MYH7B: variants seen among roughly 807,000 people sequenced by gnomAD.
The protein encoded by MYH7B is myosin-7B.
In MYH7B, 205 loss-of-function variants were observed where a neutral mutation model predicts 234.5. That is an observed-to-expected ratio of 0.87 (90% CI 0.78 to 0.98). The LOEUF (loss-of-function observed/expected upper bound fraction) is 0.98, where lower values mean the gene tolerates loss of function less well. Ranked by LOEUF, MYH7B falls within the 50% of genes least tolerant of loss-of-function variation. MYH7B has a pLI of 0.00. For synonymous variants in MYH7B, 1,193 were observed against 1,105.0 expected (o/e 1.08, Z -1.58); for missense variants, 2,652 against 2,633.4 (o/e 1.01, Z -0.15).
chr20:34,995,380 G>C (rs996543618), exon 28 of MYH7B: 3 of 1,613,888 alleles, frequency 1.9e-6, no homozygotes, highest in Non-Finnish European at 2.5e-6. Flanking sequence ...GCCACTTGCT[G>C]ATCAAGTCCA....
At chr20:34,976,979 C>A (rs1319668860) in intron 3 of MYH7B, among the ~76,000 whole-genome samples, 1 of 152,150 alleles carries the variant, frequency 6.6e-6, no homozygotes, top group Non-Finnish European at 1.5e-5. Flanking sequence ...ATGCCCTATA[C>A]CCTGAGTAGA....
chr20:34,985,967 C>A, intron 13 of MYH7B, 133 bp from the exon 14 acceptor site: 1 of 726,000 alleles, frequency 1.4e-6, no homozygotes, highest in Non-Finnish European at 2.4e-6. Flanking sequence ...ATACCCTCCC[C>A]ACACAAGCTG....
At position 34,975,381 on chromosome 20, in the gene MYH7B, G is replaced by C. The variant is rs2081838799; in HGVS notation, c.-221-19G>C. 1 of 581,170 alleles carries C rather than the reference G, an allele frequency of 1.7e-6. No individual in the cohort carries two copies. Among genetic ancestry groups the C allele is most frequent in the Admixed American group, 2.8e-5 (1 of 35,366 alleles). 36.0% of individuals were successfully genotyped at this position (581,170 alleles called of 1,614,324 possible). ...CACCATGCCTGGCTAATTTTTGTTT[G>C]TTTGTTTGTTTGTTGTAGAGATGGG... On this transcript the variant is annotated intron_variant, in intron 2 of 44. Transcript: ENST00000262873.
exon 34 of MYH7B, chr20:34,998,617 G>A (rs151212094): frequency 1.9e-6 from 3 of 1,613,242 alleles, no homozygotes; most frequent in African/African-American, 1.3e-5. Flanking sequence ...GCCAGCTAGA[G>A]GAGGAAAGCA....
At chr20:34,976,463 G>A (rs1388431613) in intron 3 of MYH7B, among the ~76,000 whole-genome samples, 4 of 152,158 alleles carry the variant, frequency 2.6e-5, no homozygotes, top group East Asian at 1.9e-4. Flanking sequence ...ATCCTGTGGC[G>A]TCACGGAGCC....
chr20:34,962,735 C>CT (rs978869292), intron 2 of MYH7B, among the ~76,000 whole-genome samples: 16 of 152,160 alleles, frequency 1.1e-4, no homozygotes, highest in African/African-American at 2.9e-4. Context: ...TCAAGGGATC[C>CT]TCCTGTCTCA....
chr20:34,970,953 G>A (rs1455358106), intron 2 of MYH7B, among the ~76,000 whole-genome samples: 3 of 152,172 alleles, frequency 2.0e-5, no homozygotes, highest in Non-Finnish European at 2.9e-5. Context: ...TGAACTCAAG[G>A]ATGCGGCATG....
intron 3 of MYH7B, among the ~76,000 whole-genome samples, chr20:34,976,848 A>C (rs1314064277): frequency 6.6e-6 from 1 of 152,234 alleles, no homozygotes; most frequent in Non-Finnish European, 1.5e-5. Flanking sequence ...GTGCAAAGCT[A>C]CATTTTCAGC....
Position 34,990,625 on chromosome 20 carries a change from C to A in MYH7B, c.1978-113C>A, listed in dbSNP as rs546494355. 23 of 967,032 alleles carry A rather than the reference C, an allele frequency of 2.4e-5. No individual in the cohort carries two copies. In the African/African-American group the frequency reaches 3.6e-4, roughly 15 times the overall value. The allele number at this position is 967,032 out of a possible 1,614,324, so 59.9% of individuals were successfully genotyped here. On this transcript the variant is annotated intron_variant, in intron 22 of 44. Coordinates refer to ENST00000262873, the Ensembl canonical transcript of MYH7B. ...CATCACCAGAATGAGAGTGAAAGAGCAAAAGTGCAGGGCACTTAGGGCCCT... is the reference window on the plus strand; with the variant it reads ...CATCACCAGAATGAGAGTGAAAGAGAAAAAGTGCAGGGCACTTAGGGCCCT...
At chr20:34,979,593 TG>T in intron 6 of MYH7B, 67 bp from the exon 7 acceptor site, 1 of 1,607,528 alleles carries the variant, frequency 6.2e-7, no homozygotes, top group Non-Finnish European at 8.5e-7. Context: ...GGTATGTGGG[TG>T]GGGGTGACAG....
chr20:34,967,361 G>A (rs2081752311), intron 2 of MYH7B, among the ~76,000 whole-genome samples: 1 of 152,150 alleles, frequency 6.6e-6, no homozygotes, highest in Non-Finnish European at 1.5e-5. Context: ...CCTTGAGTTA[G>A]CAAAGTCACA....
exon 39 of MYH7B, chr20:35,000,354 C>G (rs754639552): frequency 1.0e-5 from 16 of 1,598,192 alleles, no homozygotes; most frequent in Non-Finnish European, 1.4e-5. Flanking sequence ...GACACGGGCC[C>G]GCAATGAGGC....
intron 27 of MYH7B, among the ~76,000 whole-genome samples, chr20:34,994,688 T>G (rs2082220354): frequency 6.6e-6 from 1 of 152,086 alleles, no homozygotes; most frequent in African/African-American, 2.4e-5. Context: ...AGACCCATGC[T>G]CTCTTCTCTG....
At position 34,973,899 on chromosome 20, in the gene MYH7B, C is replaced by T. The variant is rs1261472758; in HGVS notation, c.-221-1501C>T. On this transcript the variant is annotated intron_variant, in intron 2 of 44. Coordinates refer to ENST00000262873, the Ensembl canonical transcript of MYH7B. ...CAGCCTCCCCAAGTAGGTGGGATTA[C>T]AGGCACACGCCACCATGCCTGGCTA... is the stretch of plus-strand genomic sequence containing the variant. Among the ~76,000 whole-genome samples the T allele has an allele frequency of 2.7e-5, 4 of 150,336 alleles. No individual in the cohort carries two copies. The East Asian group carries it at 5.8e-4, about 22-fold the overall frequency.
At chr20:34,980,046 C>T (rs2081919533) in intron 7 of MYH7B, 4 of 553,402 alleles carry the variant, frequency 7.2e-6, no homozygotes, top group East Asian at 3.1e-5. Flanking sequence ...TGTAGCAGTG[C>T]GGGGCGGGTC....
At chr20:34,992,997 C>T (rs2082183381) in intron 24 of MYH7B, 105 bp from the exon 25 acceptor site, 1 of 1,410,680 alleles carries the variant, frequency 7.1e-7, no homozygotes, top group Non-Finnish European at 9.7e-7. Flanking sequence ...AGGAACGAGT[C>T]CCCTGCTACC....
chr20:34,980,857 C>G (rs1299315866), intron 8 of MYH7B, 123 bp downstream of exon 8: 1 of 1,506,476 alleles, frequency 6.6e-7, no homozygotes, highest in Admixed American at 1.9e-5. Context: ...ACATGGTCGC[C>G]CAGCCGTTCT....
At chr20:34,980,893 C>T in intron 8 of MYH7B, 140 bp from the exon 9 acceptor site, 1 of 1,476,468 alleles carries the variant, frequency 6.8e-7, no homozygotes, top group Non-Finnish European at 9.4e-7. Context: ...AGCTGACCTC[C>T]ACTAGGGACA....
rs766809928 is a variant in MYH7B at position 34,990,280 on chromosome 20, A to G, written c.1947A>G (p.Ala649=). 5.0e-6 allele frequency: 8 copies of G among 1,614,080 alleles called. No homozygotes were observed. In the African/African-American group the frequency reaches 8.0e-5, roughly 16 times the overall value. The change falls in exon 22 of 45, where the codon GCA becomes GCG. Residue 649 remains alanine (A), a synonymous_variant. Transcript: ENST00000262873. ...TGAAAGAGAAGCGTAAGAAGGCAGC[A>G]TCGTTCCAGACGGTGTCCCAGCTGC...
Sources: allele counts gnomAD v4.1 joint callset (sites outside exome capture counted in the v4.1 genomes callset), GRCh38; gene constraint gnomAD v4.1.1; transcripts MANE v1.5; gene names NCBI Gene and HGNC (gene_info 2026-07-23, HGNC 2026-07-21).